The following GET1 variants were observed in gnomAD, a reference collection of about 807,000 sequenced individuals.
GET1 encodes guided entry of tail-anchored proteins factor 1, also known as congenital heart disease 5 protein.
GET1 carries 20 observed loss-of-function variants against 22.6 expected under a neutral mutation model. The observed-to-expected ratio is 0.89, with a 90% CI of 0.62 to 1.29. The LOEUF is 1.29. Ranked by LOEUF, GET1 falls within the 50% of genes most tolerant of loss-of-function variation. The pLI is 0.00. For synonymous variants in GET1, 92 were observed against 83.8 expected (o/e 1.10, Z -0.53); for missense variants, 209 against 219.9 (o/e 0.95, Z 0.31).
At chr21:39,403,568 C>T (rs571851099) in intron 4 of GET1, among the ~76,000 whole-genome samples, 4 of 150,932 alleles carry the variant, frequency 2.7e-5, no homozygotes, top group Admixed American at 6.6e-5. Flanking sequence ...ATGATCCGCC[C>T]GCCTCGGCCT....
At chr21:39,381,534 C>T (rs1475815042) in intron 1 of GET1, among the ~76,000 whole-genome samples, 1 of 152,106 alleles carries the variant, frequency 6.6e-6, no homozygotes. Flanking sequence ...CTCTTTTAAC[C>T]CCTGAGTCTC....
At chr21:39,402,138 C>G (rs1401351287), downstream of GET1, among the ~76,000 whole-genome samples, 1 of 152,128 alleles carries the variant, frequency 6.6e-6, no homozygotes, top group Non-Finnish European at 1.5e-5. Flanking sequence ...GAGTCTTGCT[C>G]TGTCACCCAG....
At chr21:39,392,369 T>G (rs2038359271) in intron 3 of GET1, among the ~76,000 whole-genome samples, 1 of 152,154 alleles carries the variant, frequency 6.6e-6, no homozygotes, top group South Asian at 2.1e-4. Context: ...CCAGACACCT[T>G]TAGCAGCTGC....
chr21:39,406,658 A>G, downstream of GET1: 1 of 1,430,014 alleles, frequency 7.0e-7, no homozygotes, highest in Non-Finnish European at 9.5e-7. Context: ...AAATGAATGG[A>G]TCTCTATTTC....
chr21:39,400,730 G>T (rs910100162), downstream of GET1, among the ~76,000 whole-genome samples: 5 of 152,098 alleles, frequency 3.3e-5, no homozygotes, highest in African/African-American at 9.7e-5. Flanking sequence ...CGGCTTTCCT[G>T]CATGCATCTT....
intron 1 of GET1, chr21:39,427,979 A>AG (rs2075062144): frequency 2.1e-6 from 1 of 470,988 alleles, no homozygotes; most frequent in Admixed American, 3.9e-5. Flanking sequence ...TTACATGTGA[A>AG]GCCTTTCTGT....
At chr21:39,386,712 G>A (rs185428713) in intron 1 of GET1, among the ~76,000 whole-genome samples, 265 of 152,138 alleles carry the variant, frequency 1.7e-3, no homozygotes, top group Admixed American at 3.0e-3. Flanking sequence ...ATTCACTTTT[G>A]TTCTAAAAAT....
intron 1 of GET1, chr21:39,423,167 T>A: frequency 6.2e-7 from 1 of 1,613,526 alleles, no homozygotes; most frequent in Admixed American, 1.7e-5. Context: ...TCCTGGGATT[T>A]CCTAAGTAGT....
At chr21:39,426,680 C>A (rs1291944529) in intron 1 of GET1, among the ~76,000 whole-genome samples, 1 of 152,196 alleles carries the variant, frequency 6.6e-6, no homozygotes, top group Non-Finnish European at 1.5e-5. Context: ...GCCAAATCAA[C>A]TTTGATGCCA....
intron 1 of GET1, among the ~76,000 whole-genome samples, chr21:39,419,538 A>AG (rs1302492294): frequency 2.0e-5 from 3 of 151,442 alleles, no homozygotes; most frequent in African/African-American, 7.3e-5. Context: ...AAAAAAAAGA[A>AG]AAAAGAAAAA....
At position 39,388,459 on chromosome 21, in the gene GET1, C is replaced by G. The variant is rs372844190; in HGVS notation, c.103-2239C>G. ...ATTGCATTTCCCGGCCTCTAGCCTC[C>G]TGTCTGGAGGAGTTTCCCAGTCTTC... On this transcript the variant is annotated intron_variant, in intron 1 of 4. Coordinates refer to ENST00000649170, the MANE Select transcript of GET1 (RefSeq NM_004627.6). Among the ~76,000 whole-genome samples, 8 of 152,356 alleles carry G rather than the reference C, an allele frequency of 5.3e-5. No individual in the cohort carries two copies. In the East Asian group the frequency reaches 1.5e-3, roughly 29 times the overall value.
intron 4 of GET1, among the ~76,000 whole-genome samples, chr21:39,403,236 C>T (rs1383613187): frequency 6.6e-6 from 1 of 152,186 alleles, no homozygotes; most frequent in Non-Finnish European, 1.5e-5. Flanking sequence ...TCCTTCCGTC[C>T]TCTTCTTTTC....
At chr21:39,410,305 G>C, downstream of GET1, 2 of 1,610,452 alleles carry the variant, frequency 1.2e-6, no homozygotes, top group Non-Finnish European at 1.7e-6. Context: ...TGGGTTCCCT[G>C]GTGTCTCATA....
At chr21:39,418,036 G>A (rs1191252001) in intron 1 of GET1, among the ~76,000 whole-genome samples, 2 of 152,188 alleles carry the variant, frequency 1.3e-5, no homozygotes, top group African/African-American at 4.8e-5. Flanking sequence ...AAAGTGCTGG[G>A]ATTACAGGCG....
intron 1 of GET1, chr21:39,422,081 C>T (rs2073865689): frequency 1.3e-5 from 2 of 152,042 alleles, no homozygotes; most frequent in Admixed American, 6.6e-5. Context: ...CTGTAGATCA[C>T]ATATTAATTT....
chr21:39,394,096 A>G (rs1009624490), intron 4 of GET1, among the ~76,000 whole-genome samples: 3 of 151,944 alleles, frequency 2.0e-5, no homozygotes, highest in Admixed American at 6.6e-5. Flanking sequence ...TTGGGAGGCC[A>G]AGGTGGGCGG....
chr21:39,415,372 T>A (rs757889005), intron 1 of GET1, among the ~76,000 whole-genome samples: 18 of 152,100 alleles, frequency 1.2e-4, no homozygotes, highest in Non-Finnish European at 1.9e-4. Flanking sequence ...CAAATTAAAA[T>A]ATATAAAAAA....
intron 1 of GET1, chr21:39,411,795 T>C (rs773888956): frequency 1.9e-6 from 3 of 1,581,978 alleles, no homozygotes; most frequent in Non-Finnish European, 2.6e-6. Flanking sequence ...AAGCTCACGA[T>C]CCTTTTCCTA....
chr21:39,384,610 G>T (rs537665819), intron 1 of GET1, among the ~76,000 whole-genome samples: 70 of 151,622 alleles, frequency 4.6e-4, no homozygotes, highest in Non-Finnish European at 8.2e-4. Flanking sequence ...TACATGTGCG[G>T]GTTTGTTATA....
Sources: allele counts gnomAD v4.1 joint callset (sites outside exome capture counted in the v4.1 genomes callset), GRCh38; gene constraint gnomAD v4.1.1; transcripts MANE v1.5; gene names NCBI Gene and HGNC (gene_info 2026-07-23, HGNC 2026-07-21).